The following RARB variants were observed in gnomAD, a reference collection of about 807,000 sequenced individuals.
The protein encoded by RARB is retinoic acid receptor beta.
A neutral mutation model predicts 51.9 loss-of-function variants in RARB; 17 were observed. The observed-to-expected ratio is 0.33, with a 90% confidence interval of 0.22 to 0.49. The LOEUF is 0.49. Among genes scored for constraint, RARB ranks in the 20% least tolerant of loss-of-function variants. RARB has a pLI of 0.99. For missense variants in RARB, 369 were observed against 550.8 expected, an observed-to-expected ratio of 0.67 and a Z score of 3.30; for synonymous variants, 215 against 195.4, an observed-to-expected ratio of 1.10 and a Z score of -0.84.
chr3:24,838,352 T>C (rs73033508), intron 1 of RARB, among the ~76,000 whole-genome samples: 40,658 of 151,988 alleles, frequency 0.27, 6,200 homozygotes, highest in South Asian at 0.41. Context: ...GCAAAATTTC[T>C]TTTGCCATGA....
chr3:25,033,020 C>CT (rs1252228414), intron 2 of RARB, among the ~76,000 whole-genome samples: 1 of 152,186 alleles, frequency 6.6e-6, no homozygotes, highest in Non-Finnish European at 1.5e-5. Flanking sequence ...TAAGTCATTC[C>CT]TTCTACTCAA....
At chr3:25,141,820 A>G (rs1038791165) in intron 4 of RARB, among the ~76,000 whole-genome samples, 9 of 152,204 alleles carry the variant, frequency 5.9e-5, no homozygotes, top group African/African-American at 2.2e-4. Flanking sequence ...CTTTTATAAT[A>G]TATGAAGTAT....
chr3:24,907,370 C>T (rs1251504213), intron 2 of RARB, among the ~76,000 whole-genome samples: 1 of 152,192 alleles, frequency 6.6e-6, no homozygotes, highest in Non-Finnish European at 1.5e-5. Flanking sequence ...CCTAGGGCCA[C>T]ACTTAGTATC....
chr3:25,456,682 T>G (rs9846021), intron 1 of RARB, among the ~76,000 whole-genome samples: 17,359 of 88,000 alleles, frequency 0.2, 1,847 homozygotes, highest in Middle Eastern at 0.27. Context: ...TATATATATA[T>G]AGAGAGAGAG....
At chr3:24,963,350 C>A (rs994949669) in intron 2 of RARB, among the ~76,000 whole-genome samples, 1 of 150,602 alleles carries the variant, frequency 6.6e-6, no homozygotes, top group African/African-American at 2.4e-5. Context: ...ACACTGGAAA[C>A]GCATCTATTT....
intron 5 of RARB, among the ~76,000 whole-genome samples, chr3:25,413,769 A>G (rs1260634719): frequency 6.6e-6 from 1 of 152,164 alleles, no homozygotes; most frequent in East Asian, 1.9e-4. Flanking sequence ...TCATCTTTGC[A>G]ACCAAGGCTT....
At chr3:25,293,687 G>A (rs929105425) in intron 5 of RARB, among the ~76,000 whole-genome samples, 5 of 145,004 alleles carry the variant, frequency 3.4e-5, no homozygotes, top group Non-Finnish European at 7.5e-5. Flanking sequence ...TCATCACCTA[G>A]TATCTCTATC....
intron 2 of RARB, among the ~76,000 whole-genome samples, chr3:24,912,674 T>C (rs1407730767): frequency 2.6e-5 from 4 of 152,176 alleles, no homozygotes; most frequent in Admixed American, 6.5e-5. Context: ...CCACTATTTC[T>C]CAGGGAAGAG....
chr3:25,414,934 T>C lies in RARB; in HGVS notation c.179-46259T>C, dbSNP rs559967094. ...TTGGCTCACTGCAACCTCCACCTCC[T>C]GGGTTCAAGCAATTCTCCTGACTCA... On this transcript the variant is annotated intron_variant, in intron 5 of 11. Transcript: ENST00000383772. Among the ~76,000 whole-genome samples, 39 of 152,240 alleles carry C rather than the reference T, an allele frequency of 2.6e-4. No homozygotes were observed. In the South Asian group the frequency reaches 8.1e-3, roughly 32 times the overall value.
At chr3:25,198,579 G>A (rs1285600568) in intron 5 of RARB, among the ~76,000 whole-genome samples, 1 of 151,988 alleles carries the variant, frequency 6.6e-6, no homozygotes, top group African/African-American at 2.4e-5. Context: ...ATTGTAAATA[G>A]TATTCCTATA....
intron 4 of RARB, among the ~76,000 whole-genome samples, chr3:25,160,426 G>C (rs770978248): frequency 1.3e-5 from 2 of 152,132 alleles, no homozygotes; most frequent in Admixed American, 6.5e-5. Flanking sequence ...ATGTGGCTTT[G>C]TCCCTGCTGC....
intron 3 of RARB, among the ~76,000 whole-genome samples, chr3:25,554,242 C>CA (rs569062726): frequency 2.0e-3 from 298 of 149,436 alleles, no homozygotes; most frequent in African/African-American, 6.6e-3. Context: ...TGAAATAAAA[C>CA]AAAAAAACAT....
chr3:25,260,489 A>G (rs1430698382), intron 5 of RARB, among the ~76,000 whole-genome samples: 1 of 152,040 alleles, frequency 6.6e-6, no homozygotes, highest in Non-Finnish European at 1.5e-5. Context: ...GCAGAAGAAA[A>G]TCTCACACAA....
chr3:25,347,413 G>T (rs891699822), intron 5 of RARB, among the ~76,000 whole-genome samples: 2 of 152,198 alleles, frequency 1.3e-5, no homozygotes, highest in Non-Finnish European at 1.5e-5. Flanking sequence ...GGTAGTCATT[G>T]CCACTCACCT....
At chr3:25,129,384 T>C (rs1463731487) in intron 3 of RARB, among the ~76,000 whole-genome samples, 1 of 152,090 alleles carries the variant, frequency 6.6e-6, no homozygotes, top group African/African-American at 2.4e-5. Flanking sequence ...TGGTTTCAGG[T>C]TTCCTGAGCT....
At position 25,219,281 on chromosome 3, in the gene RARB, T is replaced by C. The variant is rs187459108; in HGVS notation, c.178+44706T>C. 1.1e-4 allele frequency among the ~76,000 whole-genome samples: 16 copies of C among 151,878 alleles called. No individual in the cohort carries two copies. The East Asian group carries it at 3.1e-3, about 29-fold the overall frequency. ...CCTCTAGGTTAAAAAAAAAAATATG[T>C]ATCCATACACCATCTTATAGCAAAG... On this transcript the variant is annotated intron_variant, in intron 5 of 11. Coordinates refer to the RARB transcript ENST00000383772.
At chr3:25,299,329 C>T (rs1384138183) in intron 5 of RARB, among the ~76,000 whole-genome samples, 2 of 152,114 alleles carry the variant, frequency 1.3e-5, no homozygotes, top group South Asian at 2.1e-4. Context: ...TCCCAAGTAC[C>T]TGGGACTACA....
At chr3:25,074,394 A>T (rs1698829750) in intron 3 of RARB, among the ~76,000 whole-genome samples, 1 of 152,244 alleles carries the variant, frequency 6.6e-6, no homozygotes, top group South Asian at 2.1e-4. Flanking sequence ...GTTGCTACTG[A>T]CTATTAAGAA....
At chr3:25,481,746 T>G (rs1192060356) in intron 2 of RARB, among the ~76,000 whole-genome samples, 1 of 152,240 alleles carries the variant, frequency 6.6e-6, no homozygotes, top group African/African-American at 2.4e-5. Context: ...TACTCTTTGT[T>G]TTTAGCTTTC....
Sources: allele counts gnomAD v4.1 joint callset (sites outside exome capture counted in the v4.1 genomes callset), GRCh38; gene constraint gnomAD v4.1.1; transcripts MANE v1.5; gene names NCBI Gene and HGNC (gene_info 2026-07-23, HGNC 2026-07-21).